Variants in CCDC88A observed in about 807,000 individuals in gnomAD.
CCDC88A encodes coiled-coil and HOOK domain protein 88A.
Under a neutral mutation model 234.3 loss-of-function variants are expected in CCDC88A, and 54 were observed. The ratio of observed to expected loss-of-function variants is 0.23; its 90% CI spans 0.19 to 0.29. The LOEUF (loss-of-function observed/expected upper bound fraction) is 0.29, where lower values mean the gene tolerates loss of function less well. Among genes scored for constraint, CCDC88A ranks in the 10% least tolerant of loss-of-function variants. The pLI is 1.00. For synonymous variants in CCDC88A, 753 were observed against 737.8 expected (o/e 1.02, Z -0.33); for missense variants, 1,832 against 2,123.4 (o/e 0.86, Z 2.70).
At chr2:55,377,012 T>C (rs1209242603) in intron 3 of CCDC88A, among the ~76,000 whole-genome samples, 1 of 152,078 alleles carries the variant, frequency 6.6e-6, no homozygotes, top group Non-Finnish European at 1.5e-5. Context: ...TTTTGTATTT[T>C]TAGTAGAGAC....
chr2:55,346,316 C>T lies in CCDC88A; in HGVS notation c.900G>A (p.Ser300=), dbSNP rs370202609. Residue 300 remains serine (S), a synonymous_variant, in exon 10 of 33, where the codon TCG becomes TCA. Transcript: ENST00000436346. ...GGTACATTCTGGCAGAGCGAGCATCCGAAAGCAAATTCATGTTCTAAACAA... is the reference window on the plus strand; with the variant it reads ...GGTACATTCTGGCAGAGCGAGCATCTGAAAGCAAATTCATGTTCTAAACAA... The part of the protein sequence containing the change: ...RLQQENMNLL[S]DARSARMYRD... 14 of 1,589,006 alleles carry T rather than the reference C, an allele frequency of 8.8e-6. No homozygotes were observed. The highest frequency in any genetic ancestry group is 1.3e-5 in the African/African-American group (1 of 74,350).
At chr2:55,410,183 C>T (rs1397580928) in intron 2 of CCDC88A, among the ~76,000 whole-genome samples, 1 of 152,142 alleles carries the variant, frequency 6.6e-6, no homozygotes, top group Admixed American at 6.5e-5. Context: ...CTTGTGTACA[C>T]CCTTGGGCCA....
intron 18 of CCDC88A, among the ~76,000 whole-genome samples, chr2:55,319,951 T>G (rs576715351): frequency 6.6e-6 from 1 of 152,286 alleles, no homozygotes; most frequent in African/African-American, 2.4e-5. Flanking sequence ...CATATCTATA[T>G]GTAAATATAA....
rs556478467 is a variant in CCDC88A at position 55,290,799 on chromosome 2, A to G, written c.*401T>C. On this transcript the variant is annotated 3_prime_UTR_variant, in exon 33 of 33. Transcript: ENST00000436346. ...TAGATTTTGGCTAACACTTAGCAGA[A>G]GCATTAAGCAAACATGGATAAATTC... The G allele has an allele frequency of 1.3e-5, 2 of 152,682 alleles. No homozygotes were observed. Among genetic ancestry groups the G allele is most frequent in the African/African-American group, 4.8e-5 (2 of 41,580 alleles). The allele number at this position is 152,682 out of a possible 1,614,324, so 9.5% of individuals were successfully genotyped here.
chr2:55,386,538 C>T (rs1474693761), intron 3 of CCDC88A, among the ~76,000 whole-genome samples: 1 of 150,946 alleles, frequency 6.6e-6, no homozygotes, highest in Non-Finnish European at 1.5e-5. Flanking sequence ...ACAGCATGAT[C>T]TCGGCTCACT....
intron 5 of CCDC88A, among the ~76,000 whole-genome samples, chr2:55,371,995 C>A (rs1672919722): frequency 6.6e-6 from 1 of 152,038 alleles, no homozygotes; most frequent in Non-Finnish European, 1.5e-5. Flanking sequence ...TAATAATAAA[C>A]AAGATTCCTA....
At chr2:55,294,609 A>C (rs1174393191) in intron 31 of CCDC88A, 1 of 988,104 alleles carries the variant, frequency 1.0e-6, no homozygotes, top group African/African-American at 1.7e-5. Context: ...CACATTCTGG[A>C]AGAAAAAAAG....
At chr2:55,372,804 C>T (rs187770060) in intron 4 of CCDC88A, among the ~76,000 whole-genome samples, 165 of 152,318 alleles carry the variant, frequency 1.1e-3, no homozygotes, top group Non-Finnish European at 1.9e-3. Flanking sequence ...GATTGTACTA[C>T]CCCAGCCTGA....
At chr2:55,339,424 G>GT (rs1306334635) in intron 13 of CCDC88A, 40 bp downstream of exon 13, 14 of 1,378,968 alleles carry the variant, frequency 1.0e-5, no homozygotes, top group Non-Finnish European at 1.3e-5. Context: ...ACTTTTACAA[G>GT]TTTTTTTAAC....
Position 55,343,643 on chromosome 2 carries a change from A to G in CCDC88A, c.1333+5T>C. On this transcript the variant is annotated splice_donor_5th_base_variant and intron_variant, in intron 12 of 32. Coordinates refer to ENST00000436346, the MANE Select transcript of CCDC88A (RefSeq NM_001365480.1). ...ATCTATTTAAATTAAAAAAATTGGG[A>G]ATACCTTCGGAAAGTTCACTAGTTC... is the stretch of plus-strand genomic sequence containing the variant. The G allele has an allele frequency of 6.3e-7, 1 of 1,587,484 alleles. No individual in the cohort carries two copies. The highest frequency in any genetic ancestry group is 8.5e-7 in the Non-Finnish European group (1 of 1,170,622).
At chr2:55,367,181 A>G (rs908850566) in intron 5 of CCDC88A, among the ~76,000 whole-genome samples, 1 of 152,214 alleles carries the variant, frequency 6.6e-6, no homozygotes. Context: ...TTCCATTTAT[A>G]TGAGGTACCT....
At chr2:55,391,021 A>T (rs1180825861) in intron 2 of CCDC88A, among the ~76,000 whole-genome samples, 1 of 152,196 alleles carries the variant, frequency 6.6e-6, no homozygotes, top group African/African-American at 2.4e-5. Context: ...CTAAACACTA[A>T]ATTGTGCATG....
chr2:55,332,608 T>C lies in CCDC88A; in HGVS notation c.2813A>G (p.Asn938Ser), dbSNP rs756130383. Residue 938 changes from asparagine to serine, a missense_variant, in exon 16 of 33, where the codon AAT becomes AGT. Physicochemically the swap from Asn to Ser is conservative, Grantham distance 46. Transcript: ENST00000436346. This position sits in a 1 kb window ranked among gnomAD's most constrained non-coding sequence, Gnocchi z 4.5. ...LTHELEKIGL[N>S]KERLLHDEQS... ...TTCATCATGTAAGAGTCGCTCCTTA[T>C]TTAACCCTATCTTCTCAAGCTCATG... 41 of 1,613,648 alleles carry C rather than the reference T, an allele frequency of 2.5e-5. No homozygotes were observed. The highest frequency in any genetic ancestry group is 3.4e-5 in the Non-Finnish European group (40 of 1,179,758).
chr2:55,366,536 C>CAT (rs1216619943), intron 5 of CCDC88A, among the ~76,000 whole-genome samples: 29 of 44,808 alleles, frequency 6.5e-4, no homozygotes, highest in African/African-American at 2.6e-3. Context: ...CACACACATA[C>CAT]ACACACACAC....
chr2:55,394,821 A>C (rs1298889063), intron 2 of CCDC88A, among the ~76,000 whole-genome samples: 1 of 151,794 alleles, frequency 6.6e-6, no homozygotes, highest in Non-Finnish European at 1.5e-5. Context: ...TAATAAAAAA[A>C]AAAAGAAAAA....
At chr2:55,298,957 T>C (rs1450433205) in intron 29 of CCDC88A, among the ~76,000 whole-genome samples, 4 of 151,534 alleles carry the variant, frequency 2.6e-5, no homozygotes, top group African/African-American at 9.7e-5. Context: ...CCCAGCACTT[T>C]GGGAGGCCAA....
chr2:55,305,165 G>C lies in CCDC88A; in HGVS notation c.4388-2013C>G, dbSNP rs554241791. ...GGTTGCAGCATGCACATGTTGTCTT[G>C]TTTACTTTTCTTTTTCTGTTTTTAA... On this transcript the variant is annotated intron_variant, in intron 25 of 32. Transcript: ENST00000436346. Among the ~76,000 whole-genome samples the C allele has an allele frequency of 8.5e-5, 13 of 152,264 alleles. No homozygotes were observed. In the East Asian group the frequency reaches 2.5e-3, roughly 29 times the overall value.
At chr2:55,310,851 C>G (rs147972307) in intron 23 of CCDC88A, among the ~76,000 whole-genome samples, 4 of 152,280 alleles carry the variant, frequency 2.6e-5, no homozygotes, top group African/African-American at 4.8e-5. Flanking sequence ...GTTCCCAGTT[C>G]GTTTTTCCTT....
chr2:55,319,000 G>C lies in CCDC88A; in HGVS notation c.3167C>G (p.Ala1056Gly). 6.2e-7 allele frequency: 1 copy of C among 1,610,754 alleles called. No homozygotes were observed. Among genetic ancestry groups the C allele is most frequent in the Non-Finnish European group, 8.5e-7 (1 of 1,178,132 alleles). ...CGCTTGCTTCTCTGCTTGCAGTGTA[G>C]CATTCTTGAAAAACAAAAACCAAAA... ...DRLIEVERNN[A>G]TLQAEKQALK... Residue 1056 changes from alanine (A) to glycine (G), a missense_variant, in exon 19 of 33, where the codon GCT becomes GGT. Physicochemically the swap from Ala to Gly is moderately conservative, Grantham distance 60 (BLOSUM62 0). Transcript: ENST00000436346.
Sources: allele counts gnomAD v4.1 joint callset (sites outside exome capture counted in the v4.1 genomes callset), GRCh38; gene constraint gnomAD v4.1.1; non-coding constraint Gnocchi (gnomAD v3.1); transcripts MANE v1.5; gene names NCBI Gene and HGNC (gene_info 2026-07-23, HGNC 2026-07-21).